The following SLC28A1 variants were observed in gnomAD, a reference collection of about 807,000 sequenced individuals.
SLC28A1 encodes the protein solute carrier family 28 member 1.
A neutral mutation model predicts 74.8 loss-of-function variants in SLC28A1; 64 were observed. The ratio of observed to expected loss-of-function variants is 0.86; its 90% CI spans 0.70 to 1.05. SLC28A1 has a LOEUF of 1.05. Ranked by LOEUF, SLC28A1 falls within the 50% of genes least tolerant of loss-of-function variation. The probability of loss-of-function intolerance (pLI) is 0.00; values close to 1 mark genes in which losing one functional copy is unlikely to be tolerated. For synonymous variants in SLC28A1, 359 were observed against 335.0 expected (o/e 1.07, Z -0.78); for missense variants, 828 against 822.8 (o/e 1.01, Z -0.08).
At chr15:84,946,283 C>T (rs1361457950), downstream of SLC28A1, among the ~76,000 whole-genome samples, 3 of 150,522 alleles carry the variant, frequency 2.0e-5, no homozygotes, top group Admixed American at 2.0e-4. Context: ...GGAAGTGTCT[C>T]AGTTGAAGAT....
chr15:84,947,647 T>G (rs1437708651), downstream of SLC28A1, among the ~76,000 whole-genome samples: 1 of 152,204 alleles, frequency 6.6e-6, no homozygotes, highest in Non-Finnish European at 1.5e-5. Context: ...GAGAGCCAGT[T>G]TCTCATAGGT....
chr15:84,901,291 G>T (rs1203430385), intron 6 of SLC28A1, among the ~76,000 whole-genome samples: 1 of 152,198 alleles, frequency 6.6e-6, no homozygotes, highest in African/African-American at 2.4e-5. Context: ...TGGATCCCCT[G>T]AGGTCAGGAG....
rs1407872470 is a variant in SLC28A1 at position 84,945,488 on chromosome 15, A to G, written c.*288A>G. On this transcript the variant is annotated 3_prime_UTR_variant, in exon 19 of 19. Transcript: ENST00000394573. ...CTCCTCCCGTTTCCCCTCCACATCCAAACAGCACCCTGGTCCTCTCTATCC... is the reference window on the plus strand; with the variant it reads ...CTCCTCCCGTTTCCCCTCCACATCCGAACAGCACCCTGGTCCTCTCTATCC... 7 of 435,852 alleles carry G rather than the reference A, an allele frequency of 1.6e-5. No individual in the cohort carries two copies. The highest frequency in any genetic ancestry group is 7.1e-4 in the Middle Eastern group (1 of 1,418). The allele number at this position is 435,852 out of a possible 1,614,324, so 27.0% of individuals were successfully genotyped here.
In SLC28A1 at chr15:84,945,187, T is replaced by G; in HGVS notation, c.1937T>G (p.Ile646Ser). ...TGCTGTCGGTTTTACAACCACACGA[T>G]CTGTGCACAGTGAGGACAGAACATG... Reference protein sequence around the residue: ...DNCCRFYNHTICAQ With the variant: ...DNCCRFYNHTSCAQ The change falls in exon 19 of 19, where the codon ATC (isoleucine) becomes AGC (serine). Residue 646 changes from isoleucine (I) to serine (S), a missense_variant. Ile to Ser is a moderately radical substitution (Grantham distance 142, BLOSUM62 -2). Transcript: ENST00000394573. The G allele has an allele frequency of 6.2e-7, 1 of 1,614,006 alleles. No homozygotes were observed. Among genetic ancestry groups the G allele is most frequent in the Non-Finnish European group, 8.5e-7 (1 of 1,179,928 alleles).
At chr15:84,904,321 A>G in intron 7 of SLC28A1, 83 bp downstream of exon 7, 2 of 1,596,698 alleles carry the variant, frequency 1.3e-6, no homozygotes, top group Non-Finnish European at 1.7e-6. Context: ...GCTGGGGTAT[A>G]GGCAGATGTT....
chr15:84,953,750 T>C, the SLC28A1 span, among the ~76,000 whole-genome samples: 1 of 152,098 alleles, frequency 6.6e-6, no homozygotes. Flanking sequence ...TAGAAAAATA[T>C]AATAGTGAAA....
intron 9 of SLC28A1, among the ~76,000 whole-genome samples, chr15:84,911,638 G>A (rs1366857056): frequency 2.0e-5 from 3 of 152,064 alleles, no homozygotes; most frequent in Admixed American, 1.3e-4. Flanking sequence ...GAAGTGGTTC[G>A]ATCGCTTGAG....
At chr15:84,911,600 G>T (rs1182556896) in intron 9 of SLC28A1, among the ~76,000 whole-genome samples, 2 of 151,886 alleles carry the variant, frequency 1.3e-5, no homozygotes, top group African/African-American at 2.4e-5. Context: ...GGTGGCTCAC[G>T]CCTGTAATCC....
At chr15:84,944,920 G>C in intron 18 of SLC28A1, 53 bp downstream of exon 18, 1 of 1,328,036 alleles carries the variant, frequency 7.5e-7, no homozygotes. Flanking sequence ...TAGACAGAAT[G>C]CCTGAGCGCT....
chr15:84,924,961 C>G (rs941286869), intron 12 of SLC28A1, among the ~76,000 whole-genome samples: 1 of 146,640 alleles, frequency 6.8e-6, no homozygotes, highest in African/African-American at 2.5e-5. Flanking sequence ...AGTGCAGTGG[C>G]GCAATCTTGG....
chr15:84,959,985 C>T, the SLC28A1 span, among the ~76,000 whole-genome samples: 2 of 152,130 alleles, frequency 1.3e-5, no homozygotes, highest in African/African-American at 4.8e-5. Flanking sequence ...CTGAGACCAT[C>T]TATTTCAATG....
intron 13 of SLC28A1, 112 bp downstream of exon 13, chr15:84,933,387 C>T: frequency 1.5e-6 from 2 of 1,337,030 alleles, no homozygotes; most frequent in South Asian, 2.5e-5. Context: ...CTGGGCCCAT[C>T]TCTCCACTTT....
intron 11 of SLC28A1, among the ~76,000 whole-genome samples, 170 bp downstream of exon 11, chr15:84,921,239 G>T (rs898743920): frequency 6.6e-6 from 1 of 152,168 alleles, no homozygotes; most frequent in African/African-American, 2.4e-5. Context: ...GGATGCCTGG[G>T]TCATGCCAGG....
intron 9 of SLC28A1, among the ~76,000 whole-genome samples, chr15:84,916,873 CAA>C (rs932233864): frequency 6.6e-6 from 1 of 151,714 alleles, no homozygotes; most frequent in Non-Finnish European, 1.5e-5. Context: ...ACTAAAAATA[CAA>C]AAATTAGCTG....
In SLC28A1 at chr15:84,887,857, G is replaced by C. The variant is rs565949855; in HGVS notation, c.96+1G>C. On this transcript the variant is annotated splice_donor_variant, in intron 3 of 18. Coordinates refer to ENST00000394573, the MANE Select transcript of SLC28A1 (RefSeq NM_004213.5). LOFTEE classifies it high-confidence loss of function. ...GGGGGCTGATTTCTTGGAAAGCCTG[G>C]TCTGTACCCTTCCCCATCAGTCATC... The C allele has an allele frequency of 1.2e-6, 2 of 1,606,876 alleles. No individual in the cohort carries two copies. Among genetic ancestry groups the C allele is most frequent in the Non-Finnish European group, 1.7e-6 (2 of 1,173,382 alleles).
chr15:84,887,739 T>C lies in SLC28A1; in HGVS notation c.-16-6T>C. 1 of 1,612,862 alleles carries C rather than the reference T, an allele frequency of 6.2e-7. No individual in the cohort carries two copies. On this transcript the variant is annotated splice_region_variant and splice_polypyrimidine_tract_variant and intron_variant, in intron 2 of 18. Coordinates refer to ENST00000394573, the MANE Select transcript of SLC28A1 (RefSeq NM_004213.5). ...AGCGTTGGGCGCTCCCTGATTTGTC[T>C]TTCAGCTGGAAGGTCTGGGACATGG...
rs796479204 is a variant in SLC28A1 at position 84,906,564 on chromosome 15, CTCTT to C, written c.717+921_717+924del. On this transcript the variant is annotated intron_variant, in intron 8 of 18. Transcript: ENST00000394573. ...TCTTTCTTTCTTTCTTTCTTTCTTT[CTCTT>C]TCTTTCTTCCTTCCTTCCTTCCTTC... Among the ~76,000 whole-genome samples, 616 of 74,970 alleles carry C rather than the reference CTCTT, an allele frequency of 8.2e-3. 18 individuals carry two copies. Among genetic ancestry groups the C allele is most frequent in the African/African-American group, 0.028 (467 of 16,522 alleles). 49.2% of individuals were successfully genotyped at this position (74,970 alleles called of 152,430 possible). A position where few individuals can be genotyped will look rare whatever the true frequency, so the allele number is the denominator to read the frequency against.
At chr15:84,886,120 A>G (rs556365948) in intron 1 of SLC28A1, 416 of 985,182 alleles carry the variant, frequency 4.2e-4, no homozygotes, top group Admixed American at 2.1e-3. Context: ...CGCTTTGCAC[A>G]CCGTTGGCTT....
At chr15:84,893,088 C>A (rs1463705904) in intron 5 of SLC28A1, among the ~76,000 whole-genome samples, 4 of 151,598 alleles carry the variant, frequency 2.6e-5, no homozygotes, top group Non-Finnish European at 5.9e-5. Context: ...GCCTTCCTGG[C>A]CCGCCCCGAC....
Sources: gnomAD v4.1 joint callset for allele counts (sites outside exome capture counted in the v4.1 genomes callset) on GRCh38, gnomAD v4.1.1 for gene constraint, MANE v1.5 for transcripts, NCBI Gene and HGNC (gene_info 2026-07-23, HGNC 2026-07-21) for gene names.